PCDH15: variants seen among roughly 807,000 people sequenced by gnomAD.
PCDH15 encodes the protein protocadherin related 15.
Under a neutral mutation model 178.5 loss-of-function variants are expected in PCDH15, and 129 were observed. That is an observed-to-expected ratio of 0.72 (90% CI 0.63 to 0.84). The LOEUF is 0.84. Among genes scored for constraint, PCDH15 ranks in the 40% least tolerant of loss-of-function variants. PCDH15 has a pLI of 0.00. For synonymous variants in PCDH15, 800 were observed against 732.0 expected (o/e 1.09, Z -1.50); for missense variants, 2,230 against 2,099.9 (o/e 1.06, Z -1.21).
chr10:55,455,693 TATA>T, intron 2 of PCDH15, among the ~76,000 whole-genome samples: 1 of 152,098 alleles, frequency 6.6e-6, no homozygotes, highest in South Asian at 2.1e-4. Flanking sequence ...TACAAATTAG[TATA>T]GCTCTTTTTG....
At chr10:55,274,560 C>G (rs756444433) in intron 1 of PCDH15, among the ~76,000 whole-genome samples, 13 of 152,030 alleles carry the variant, frequency 8.6e-5, no homozygotes, top group Non-Finnish European at 1.8e-4. Flanking sequence ...AAGCTGTTTA[C>G]TCTTCTCTCC....
At chr10:55,429,054 C>T (rs901376799) in intron 2 of PCDH15, among the ~76,000 whole-genome samples, 3 of 152,088 alleles carry the variant, frequency 2.0e-5, no homozygotes, top group Non-Finnish European at 2.9e-5. Context: ...GACTTCCACA[C>T]ATTCTACAAA....
At chr10:54,252,805 C>T (rs372435875) in intron 8 of PCDH15, among the ~76,000 whole-genome samples, 12 of 151,506 alleles carry the variant, frequency 7.9e-5, no homozygotes, top group East Asian at 3.9e-4. Context: ...CATTAGACGG[C>T]CTTGCAGTGA....
rs137880789 is a variant in PCDH15, at chr10:54,658,895, T to G, written c.91+5277A>C. ...CTACCATTTGCTGCCTTCAAGGGAC[T>G]GACCTACTGTGTAATGATATCCACA... On this transcript the variant is annotated intron_variant, in intron 2 of 37. Transcript: ENST00000644397. Among the ~76,000 whole-genome samples the G allele has an allele frequency of 3.6e-3, 545 of 152,288 alleles. 6 individuals are homozygous for G. The highest frequency in any genetic ancestry group is 0.014 in the Middle Eastern group (4 of 294).
At chr10:54,400,639 C>T (rs1457675430) in intron 3 of PCDH15, among the ~76,000 whole-genome samples, 2 of 151,940 alleles carry the variant, frequency 1.3e-5, no homozygotes, top group Non-Finnish European at 2.9e-5. Context: ...CTGGAAAAGA[C>T]AATAGGAGCC....
At chr10:54,092,612 GA>G (rs72251943) in intron 15 of PCDH15, among the ~76,000 whole-genome samples, 4,330 of 151,646 alleles carry the variant, frequency 0.029, 210 homozygotes, top group African/African-American at 0.1. Flanking sequence ...CCTAGGAGTA[GA>G]AAAAAAAGAA....
chr10:55,186,443 C>A (rs1234928458), intron 1 of PCDH15, among the ~76,000 whole-genome samples: 1 of 151,030 alleles, frequency 6.6e-6, no homozygotes, highest in African/African-American at 2.4e-5. Flanking sequence ...CATATATATA[C>A]AATAATTTTA....
intron 2 of PCDH15, among the ~76,000 whole-genome samples, chr10:55,532,585 C>A (rs772594608): frequency 1.3e-5 from 2 of 152,110 alleles, no homozygotes; most frequent in African/African-American, 4.8e-5. Flanking sequence ...TAAAGCCAAA[C>A]GTAATTAAGA....
chr10:54,150,216 T>A (rs1016603108), intron 14 of PCDH15, among the ~76,000 whole-genome samples: 1 of 152,206 alleles, frequency 6.6e-6, no homozygotes, highest in East Asian at 1.9e-4. Flanking sequence ...GTTATAATTA[T>A]TTTTTGACAC....
At chr10:53,887,886 C>G (rs571156977) in intron 26 of PCDH15, among the ~76,000 whole-genome samples, 1 of 151,948 alleles carries the variant, frequency 6.6e-6, no homozygotes, top group South Asian at 2.1e-4. Flanking sequence ...AAGACTCCAT[C>G]TCCAAAAAAT....
chr10:54,299,820 A>C (rs544740526), intron 8 of PCDH15, among the ~76,000 whole-genome samples: 3 of 152,312 alleles, frequency 2.0e-5, no homozygotes, highest in Non-Finnish European at 2.9e-5. Flanking sequence ...ACTCAGCCAA[A>C]TCTTAAAGTA....
At chr10:54,634,325 T>G (rs548758934) in intron 2 of PCDH15, among the ~76,000 whole-genome samples, 1 of 152,266 alleles carries the variant, frequency 6.6e-6, no homozygotes, top group South Asian at 2.1e-4. Flanking sequence ...ATTTTGCATA[T>G]GTCATTATAG....
At chr10:54,597,590 C>G (rs1046279018) in intron 2 of PCDH15, among the ~76,000 whole-genome samples, 1 of 151,596 alleles carries the variant, frequency 6.6e-6, no homozygotes, top group African/African-American at 2.4e-5. Flanking sequence ...CAAAAACAAA[C>G]AAACAAAAAA....
chr10:55,140,360 AT>A (rs1354675380), intron 2 of PCDH15, among the ~76,000 whole-genome samples: 1 of 151,896 alleles, frequency 6.6e-6, no homozygotes, highest in Non-Finnish European at 1.5e-5. Flanking sequence ...TGGCTGTGGA[AT>A]TTTTGTAGAT....
At chr10:54,230,205 A>G (rs958006574) in intron 9 of PCDH15, among the ~76,000 whole-genome samples, 3 of 152,194 alleles carry the variant, frequency 2.0e-5, no homozygotes, top group African/African-American at 7.2e-5. Context: ...TAAAATTAGA[A>G]GAAGCATTCT....
intron 23 of PCDH15, among the ~76,000 whole-genome samples, chr10:53,956,570 A>C (rs1466928035): frequency 6.6e-6 from 1 of 152,154 alleles, no homozygotes; most frequent in East Asian, 1.9e-4. Flanking sequence ...TAATCCTTTT[A>C]AGTACTCAAG....
chr10:54,183,329 T>C (rs2048178209), intron 13 of PCDH15, 115 bp downstream of exon 13: 1 of 1,046,948 alleles, frequency 9.6e-7, no homozygotes, highest in African/African-American at 1.6e-5. Context: ...AATTATGCTA[T>C]ACAATAAGTG....
rs562032934 is a variant in PCDH15 at position 54,496,240 on chromosome 10, T to A, written c.157+31572A>T. On this transcript the variant is annotated intron_variant, in intron 3 of 37. Transcript: ENST00000644397. The stretch of plus-strand genomic sequence containing the variant: ...CAATTTAAAATTTCATTTCCTAGAT[T>A]TACATTTCCATGAAACTAAGTTTCC... Among the ~76,000 whole-genome samples, 31 of 152,226 alleles carry A rather than the reference T, an allele frequency of 2.0e-4. No individual in the cohort carries two copies. The South Asian group carries it at 6.2e-3, about 31-fold the overall frequency.
chr10:54,419,528 A>G (rs1396523010), intron 3 of PCDH15, among the ~76,000 whole-genome samples: 1 of 152,106 alleles, frequency 6.6e-6, no homozygotes, highest in African/African-American at 2.4e-5. Flanking sequence ...GCTCAACTCA[A>G]TCTTGTGTGT....
Sources: allele counts gnomAD v4.1 joint callset (sites outside exome capture counted in the v4.1 genomes callset), GRCh38; gene constraint gnomAD v4.1.1; transcripts MANE v1.5; gene names NCBI Gene and HGNC (gene_info 2026-07-23, HGNC 2026-07-21).